Variants in MVB12B observed in about 807,000 individuals in gnomAD.
MVB12B encodes the protein ESCRT-I complex subunit MVB12B.
A neutral mutation model predicts 41.6 loss-of-function variants in MVB12B; 16 were observed. The ratio of observed to expected loss-of-function variants is 0.38; its 90% confidence interval spans 0.26 to 0.58. MVB12B has a LOEUF of 0.58. Among genes scored for constraint, MVB12B ranks in the 20% least tolerant of loss-of-function variants. The pLI, the probability that MVB12B is intolerant of heterozygous loss-of-function variation, is 0.62. For synonymous variants in MVB12B, 133 were observed against 139.7 expected (o/e 0.95, Z 0.34); for missense variants, 274 against 380.2 (o/e 0.72, Z 2.32).
At chr9:126,501,030 G>C (rs901883534) in intron 9 of MVB12B, among the ~76,000 whole-genome samples, 1 of 152,318 alleles carries the variant, frequency 6.6e-6, no homozygotes, top group African/African-American at 2.4e-5. Context: ...ATTTGCCGCT[G>C]TTCCCTGCCG....
chr9:126,359,809 A>G (rs1829980861), intron 2 of MVB12B, among the ~76,000 whole-genome samples: 1 of 152,114 alleles, frequency 6.6e-6, no homozygotes, highest in Non-Finnish European at 1.5e-5. Flanking sequence ...TCCTGGATCA[A>G]ATAGTAGTTC....
intron 1 of MVB12B, among the ~76,000 whole-genome samples, chr9:126,330,146 A>C (rs1261233506): frequency 6.6e-6 from 1 of 152,090 alleles, no homozygotes; most frequent in Non-Finnish European, 1.5e-5. Flanking sequence ...GCTTCTGGCG[A>C]GATGCAGAGC....
rs1054274534 is a variant in MVB12B at position 126,333,016 on chromosome 9, T to C, written c.81+6006T>C. Among the ~76,000 whole-genome samples the C allele has an allele frequency of 6.6e-6, 1 of 152,218 alleles. No homozygotes were observed. Among genetic ancestry groups the C allele is most frequent in the African/African-American group, 2.4e-5 (1 of 41,460 alleles). ...ACGTGCTTGCATGATGTCAGGATTCTGAGTGGTGGCACCTGTCTGACTGGG... is the reference window on the plus strand; with the variant it reads ...ACGTGCTTGCATGATGTCAGGATTCCGAGTGGTGGCACCTGTCTGACTGGG... On this transcript the variant is annotated intron_variant, in intron 1 of 9. Coordinates refer to ENST00000361171, the MANE Select transcript of MVB12B (RefSeq NM_033446.3). The surrounding 1 kb of genome is among the most constrained non-coding windows in gnomAD (Gnocchi z 4.7).
Position 126,347,544 on chromosome 9 carries a change from A to G in MVB12B, c.204+6914A>G, listed in dbSNP as rs7867630. On this transcript the variant is annotated intron_variant, in intron 2 of 9. Transcript: ENST00000361171. The stretch of plus-strand genomic sequence containing the variant: ...TATGCGGGACTATGGGGGTCCTAGG[A>G]GAGGTCTGCTTCTCTCTGGGCCAGT... 5.2e-3 allele frequency among the ~76,000 whole-genome samples: 793 copies of G among 152,320 alleles called. 11 individuals are homozygous for G. Among genetic ancestry groups the G allele is most frequent in the African/African-American group, 0.018 (761 of 41,580 alleles).
At position 126,412,084 on chromosome 9, in the gene MVB12B, C is replaced by CT. The variant is rs543720840; in HGVS notation, c.663-9767dup. The stretch of plus-strand genomic sequence containing the variant: ...AAGTGTGGGCAATGGTCAGGGACCT[C>CT]TTTCTGACACCATTGACCAGCCTTG... On this transcript the variant is annotated intron_variant, in intron 6 of 9. Transcript: ENST00000361171. Among the ~76,000 whole-genome samples the CT allele has an allele frequency of 3.6e-3, 556 of 152,360 alleles. 2 individuals are homozygous for CT. The highest frequency in any genetic ancestry group is 6.6e-3 in the Non-Finnish European group (448 of 68,032).
intron 2 of MVB12B, among the ~76,000 whole-genome samples, chr9:126,348,626 G>A (rs1419560558): frequency 6.6e-6 from 1 of 152,182 alleles, no homozygotes; most frequent in Non-Finnish European, 1.5e-5. Context: ...CCTTCTGTTT[G>A]CTAAAACTTC....
chr9:126,353,436 A>G (rs1007662058), intron 2 of MVB12B, among the ~76,000 whole-genome samples: 5 of 152,180 alleles, frequency 3.3e-5, no homozygotes, highest in African/African-American at 9.7e-5. Context: ...GAGGCCCTAT[A>G]GTTTGATGGT....
At chr9:126,489,857 G>T (rs1053569274) in intron 9 of MVB12B, among the ~76,000 whole-genome samples, 9 of 152,198 alleles carry the variant, frequency 5.9e-5, no homozygotes, top group Non-Finnish European at 1.3e-4. Flanking sequence ...GTGACCAGGG[G>T]CTGGTCAGTG....
chr9:126,447,892 T>C (rs1294939246), intron 7 of MVB12B: 1 of 152,260 alleles, frequency 6.6e-6, no homozygotes, highest in Admixed American at 6.5e-5. Context: ...GTCTATTATG[T>C]ATTTTACTCT....
chr9:126,427,047 T>G (rs1832200094), intron 7 of MVB12B: 1 of 152,230 alleles, frequency 6.6e-6, no homozygotes, highest in Non-Finnish European at 1.5e-5. Flanking sequence ...GGATACATAT[T>G]AAAGCTAGTA....
chr9:126,363,059 C>T (rs1014963640), intron 2 of MVB12B, among the ~76,000 whole-genome samples: 21 of 151,450 alleles, frequency 1.4e-4, no homozygotes, highest in African/African-American at 2.7e-4. Context: ...TAGTGGCGGG[C>T]GCCTGTAATC....
Position 126,480,721 on chromosome 9 carries a change from C to T in MVB12B, c.758-648C>T, listed in dbSNP as rs1274076923. Reference sequence around the variant, plus strand: ...CACTGTTGCCCCCACATGCCAAGCACCTGCTCTGTGCCAGCGCTGGCCAGG... The same window carrying T: ...CACTGTTGCCCCCACATGCCAAGCATCTGCTCTGTGCCAGCGCTGGCCAGG... On this transcript the variant is annotated intron_variant, in intron 7 of 9. Transcript: ENST00000361171. The surrounding 1 kb of genome is among the most constrained non-coding windows in gnomAD (Gnocchi z 4.9). 6.6e-6 allele frequency: 1 copy of T among 152,366 alleles called. No individual in the cohort carries two copies. The highest frequency in any genetic ancestry group is 1.5e-5 in the Non-Finnish European group (1 of 68,152). The allele number at this position is 152,366 out of a possible 1,614,324, so 9.4% of individuals were successfully genotyped here. A position where few individuals can be genotyped will look rare whatever the true frequency, so the allele number is the denominator to read the frequency against.
intron 7 of MVB12B, among the ~76,000 whole-genome samples, chr9:126,453,341 C>T (rs574083290): frequency 1.2e-4 from 18 of 152,242 alleles, no homozygotes; most frequent in Admixed American, 1.1e-3. Context: ...CAGCTGCAAG[C>T]AGGGAAGCAG....
chr9:126,474,120 G>C (rs1282741410), intron 7 of MVB12B, among the ~76,000 whole-genome samples: 1 of 152,158 alleles, frequency 6.6e-6, no homozygotes, highest in African/African-American at 2.4e-5. Context: ...CAGGCAGCGT[G>C]GGGGGATGAA....
At chr9:126,433,560 G>A (rs1168533982) in intron 7 of MVB12B, among the ~76,000 whole-genome samples, 3 of 152,044 alleles carry the variant, frequency 2.0e-5, no homozygotes, top group Non-Finnish European at 4.4e-5. Context: ...TGTTCCGTGA[G>A]TCCCTGTACC....
intron 1 of MVB12B, among the ~76,000 whole-genome samples, chr9:126,335,816 A>G (rs1394231364): frequency 6.6e-6 from 1 of 152,242 alleles, no homozygotes; most frequent in African/African-American, 2.4e-5. Flanking sequence ...TTGGATTTCA[A>G]GCAAGCTGAT....
intron 2 of MVB12B, among the ~76,000 whole-genome samples, chr9:126,345,685 C>T (rs1461694247): frequency 6.6e-6 from 1 of 152,196 alleles, no homozygotes; most frequent in African/African-American, 2.4e-5. Flanking sequence ...TACAGTCTTA[C>T]TTCCTTCTGC....
intron 9 of MVB12B, among the ~76,000 whole-genome samples, chr9:126,495,412 C>G (rs552101694): frequency 1.1e-4 from 16 of 152,324 alleles, no homozygotes; most frequent in Non-Finnish European, 1.8e-4. Flanking sequence ...TCATTTCCAC[C>G]ACAAAATGTG....
chr9:126,474,209 C>T (rs571476246), intron 7 of MVB12B, among the ~76,000 whole-genome samples: 53 of 152,338 alleles, frequency 3.5e-4, no homozygotes, highest in African/African-American at 1.3e-3. Context: ...GCTCTGCCTC[C>T]ATCCAGCTCC....
Sources: gnomAD v4.1 joint callset for allele counts (sites outside exome capture counted in the v4.1 genomes callset) on GRCh38, gnomAD v4.1.1 for gene constraint, Gnocchi (gnomAD v3.1) non-coding constraint, MANE v1.5 for transcripts, NCBI Gene and HGNC (gene_info 2026-07-23, HGNC 2026-07-21) for gene names.